Variants in COL13A1 observed in about 807,000 individuals in gnomAD.
The protein encoded by COL13A1 is collagen alpha-1(XIII) chain.
COL13A1 carries 89 observed loss-of-function variants against 130.9 expected under a neutral mutation model. That is an observed-to-expected ratio of 0.68 (90% CI 0.57 to 0.81). The LOEUF is 0.81. Among genes scored for constraint, COL13A1 ranks in the 30% least tolerant of loss-of-function variants. The pLI is 0.00. For missense variants in COL13A1, 879 were observed against 934.6 expected (o/e 0.94, Z 0.78); for synonymous variants, 402 against 341.6 (o/e 1.18, Z -1.95).
chr10:69,847,662 C>T (rs778160888), intron 2 of COL13A1, among the ~76,000 whole-genome samples: 2 of 152,222 alleles, frequency 1.3e-5, no homozygotes, highest in African/African-American at 4.8e-5. Context: ...TATAAGCCTC[C>T]GGCTCTGCAG....
At chr10:69,927,644 C>A (rs905977542) in intron 27 of COL13A1, among the ~76,000 whole-genome samples, 2 of 152,124 alleles carry the variant, frequency 1.3e-5, no homozygotes, top group African/African-American at 4.8e-5. Flanking sequence ...TGACTACCAC[C>A]AAGTTTAACT....
chr10:69,953,300 T>C (rs2069963915), intron 39 of COL13A1, among the ~76,000 whole-genome samples: 2 of 152,228 alleles, frequency 1.3e-5, no homozygotes, highest in African/African-American at 4.8e-5. Context: ...TGGAAGCCAG[T>C]GTAGCATTTG....
chr10:69,803,625 T>C lies in COL13A1; in HGVS notation c.294+908T>C, dbSNP rs1230775257. On this transcript the variant is annotated intron_variant, in intron 1 of 40. Transcript: ENST00000645393. ...GTCTGGGAAGAGGTCCTGGAGCAGG[T>C]CCTGGCCATGGAAGGTCCTGGCCAT... is the stretch of plus-strand genomic sequence containing the variant. 2.0e-5 allele frequency among the ~76,000 whole-genome samples: 3 copies of C among 151,848 alleles called. No individual in the cohort carries two copies. The East Asian group carries it at 5.8e-4, about 30-fold the overall frequency.
intron 1 of COL13A1, among the ~76,000 whole-genome samples, chr10:69,813,003 G>A (rs1296587119): frequency 5.3e-5 from 8 of 152,238 alleles, no homozygotes; most frequent in African/African-American, 1.9e-4. Context: ...CCACATTGAT[G>A]TGTGGTTTGT....
chr10:69,902,676 A>T (rs2062321717), intron 14 of COL13A1, 72 bp from the exon 15 acceptor site: 3 of 1,298,388 alleles, frequency 2.3e-6, no homozygotes, highest in Non-Finnish European at 3.2e-6. Flanking sequence ...CACTGGGTGC[A>T]TGGCCTGAGG....
At chr10:69,883,987 T>TA (rs1000097413) in intron 7 of COL13A1, among the ~76,000 whole-genome samples, 16 of 152,168 alleles carry the variant, frequency 1.1e-4, no homozygotes, top group African/African-American at 3.9e-4. Context: ...TTCGTGATGA[T>TA]AAAAAATAAG....
rs556821671 is a variant in COL13A1, at chr10:69,945,842, G to A, written c.2022+118G>A. Reference sequence around the variant, plus strand: ...AATCCCAGCACTTTGGGAGGCCGAGGCGGGCGCATCACGAGGTCAGGAGAT... The same window carrying A: ...AATCCCAGCACTTTGGGAGGCCGAGACGGGCGCATCACGAGGTCAGGAGAT... On this transcript the variant is annotated intron_variant, in intron 37 of 40. Transcript: ENST00000645393. 3.3e-4 allele frequency: 423 copies of A among 1,278,428 alleles called. 2 individuals are homozygous for A. In the African/African-American group the frequency reaches 6.0e-3, roughly 18 times the overall value. 79.2% of individuals were successfully genotyped at this position (1,278,428 alleles called of 1,614,324 possible).
At chr10:69,862,461 C>T (rs565907524) in intron 2 of COL13A1, among the ~76,000 whole-genome samples, 9 of 152,308 alleles carry the variant, frequency 5.9e-5, no homozygotes, top group South Asian at 2.1e-4. Flanking sequence ...TAGGGCTGTA[C>T]GTGACAGGGC....
intron 3 of COL13A1, among the ~76,000 whole-genome samples, chr10:69,871,625 A>G (rs2059080966): frequency 6.6e-6 from 1 of 152,126 alleles, no homozygotes; most frequent in South Asian, 2.1e-4. Flanking sequence ...CTCCCAGGGA[A>G]CACCCCAAGA....
At chr10:69,874,573 G>A (rs1460176655) in intron 4 of COL13A1, among the ~76,000 whole-genome samples, 1 of 152,192 alleles carries the variant, frequency 6.6e-6, no homozygotes, top group African/African-American at 2.4e-5. Flanking sequence ...GGTCCTTCCT[G>A]TCAGTACTGG....
intron 2 of COL13A1, among the ~76,000 whole-genome samples, chr10:69,846,972 G>T (rs950365320): frequency 1.3e-5 from 2 of 152,228 alleles, no homozygotes; most frequent in African/African-American, 4.8e-5. Context: ...TCACCCCAGG[G>T]TGCTGCTAGA....
chr10:69,838,825 T>C lies in COL13A1; in HGVS notation c.364+16387T>C, dbSNP rs558185043. On this transcript the variant is annotated intron_variant, in intron 2 of 40. Transcript: ENST00000645393. ...GGTGAGGCGTGGCTTCTGTGCACAC[T>C]GTGTGGCCCTGAGTCTCTGGGCCTC... is the stretch of plus-strand genomic sequence containing the variant. 7.2e-5 allele frequency among the ~76,000 whole-genome samples: 11 copies of C among 152,362 alleles called. No homozygotes were observed. In the South Asian group the frequency reaches 1.2e-3, roughly 17 times the overall value.
intron 2 of COL13A1, among the ~76,000 whole-genome samples, chr10:69,863,588 G>T (rs570753176): frequency 1.3e-5 from 2 of 152,140 alleles, no homozygotes; most frequent in Non-Finnish European, 2.9e-5. Context: ...ACCAGGACTG[G>T]ATCCAGCGAC....
At chr10:69,880,907 T>G (rs2060073497) in intron 7 of COL13A1, among the ~76,000 whole-genome samples, 1 of 152,168 alleles carries the variant, frequency 6.6e-6, no homozygotes, top group South Asian at 2.1e-4. Context: ...CCAGCCTTTG[T>G]TTCTGGAAGC....
intron 2 of COL13A1, among the ~76,000 whole-genome samples, chr10:69,857,584 A>C (rs995514753): frequency 1.3e-5 from 2 of 152,182 alleles, no homozygotes; most frequent in African/African-American, 4.8e-5. Flanking sequence ...CACACTCCTT[A>C]TGGGCCAAGG....
intron 13 of COL13A1, chr10:69,897,532 G>T (rs1449472223): frequency 5.0e-6 from 8 of 1,613,914 alleles, no homozygotes; most frequent in South Asian, 1.1e-5. Flanking sequence ...TGCCCTGAAG[G>T]TTTGTAGGTT....
chr10:69,880,467 C>G (rs1564931973), intron 6 of COL13A1, 36 bp from the exon 7 acceptor site: 1 of 1,219,364 alleles, frequency 8.2e-7, no homozygotes, highest in East Asian at 2.3e-5. Flanking sequence ...ACCTCCCTGC[C>G]CCTCGCTCCC....
At chr10:69,928,378 C>T (rs769329681) in intron 27 of COL13A1, among the ~76,000 whole-genome samples, 35 of 152,320 alleles carry the variant, frequency 2.3e-4, no homozygotes, top group South Asian at 2.1e-4. Flanking sequence ...CAGGCCACCA[C>T]TGCTCTGCGT....
At chr10:69,878,456 G>A (rs537951757) in intron 6 of COL13A1, among the ~76,000 whole-genome samples, 4 of 152,248 alleles carry the variant, frequency 2.6e-5, no homozygotes, top group Non-Finnish European at 5.9e-5. Context: ...AGCCCTGGGG[G>A]GTTCTTGAGA....
Sources: gnomAD v4.1 joint callset for allele counts (sites outside exome capture counted in the v4.1 genomes callset) on GRCh38, gnomAD v4.1.1 for gene constraint, MANE v1.5 for transcripts, NCBI Gene and HGNC (gene_info 2026-07-23, HGNC 2026-07-21) for gene names.